Variants in GRIK4 observed in about 807,000 individuals in gnomAD.
GRIK4 encodes glutamate receptor ionotropic, kainate 4.
Under a neutral mutation model 104.9 loss-of-function variants are expected in GRIK4, and 40 were observed. The ratio of observed to expected loss-of-function variants is 0.38; its 90% CI spans 0.30 to 0.50. The LOEUF (loss-of-function observed/expected upper bound fraction) is 0.50. GRIK4 is among the 20% of genes least tolerant of loss of function. The pLI is 0.93. For missense variants in GRIK4, 1,047 were observed against 1,308.1 expected (o/e 0.80, Z 3.08); for synonymous variants, 485 against 524.9 (o/e 0.92, Z 1.04).
At chr11:120,850,515 A>T (rs916889283) in intron 8 of GRIK4, among the ~76,000 whole-genome samples, 7 of 152,228 alleles carry the variant, frequency 4.6e-5, no homozygotes, top group Non-Finnish European at 8.8e-5. Flanking sequence ...TCCCTTGATC[A>T]TGCAAATGAT....
intron 6 of GRIK4, among the ~76,000 whole-genome samples, chr11:120,821,435 A>C (rs1953124558): frequency 6.6e-6 from 1 of 152,222 alleles, no homozygotes; most frequent in South Asian, 2.1e-4. Context: ...TGCTGGATAA[A>C]GATGGAAAGA....
intron 3 of GRIK4, among the ~76,000 whole-genome samples, chr11:120,795,906 C>T (rs1023552677): frequency 1.3e-5 from 2 of 151,998 alleles, no homozygotes; most frequent in African/African-American, 4.8e-5. Context: ...CTCCCATATG[C>T]TTTAAATCAT....
At chr11:120,711,881 G>A (rs1023756524) in intron 3 of GRIK4, among the ~76,000 whole-genome samples, 11 of 152,212 alleles carry the variant, frequency 7.2e-5, no homozygotes, top group Non-Finnish European at 1.5e-5. Context: ...GGGATGAAAA[G>A]CTTGGAAGTC....
chr11:120,587,703 G>A lies in GRIK4; in HGVS notation c.-158-65982G>A, dbSNP rs902632182. Among the ~76,000 whole-genome samples, 21 of 152,240 alleles carry A rather than the reference G, an allele frequency of 1.4e-4. No individual in the cohort carries two copies. In the East Asian group the frequency reaches 2.7e-3, roughly 20 times the overall value. On this transcript the variant is annotated intron_variant, in intron 1 of 20. Coordinates refer to ENST00000527524, the MANE Select transcript of GRIK4 (RefSeq NM_014619.5). ...CTAGACCGTTTGCAAGGCCAGCCTC[G>A]CCATGGCTCAGCCAGTGGTCAGCTA...
At chr11:120,661,327 C>A (rs1468152030) in intron 3 of GRIK4, among the ~76,000 whole-genome samples, 1 of 152,168 alleles carries the variant, frequency 6.6e-6, no homozygotes, top group Non-Finnish European at 1.5e-5. Context: ...CACAAGACGA[C>A]CCATCCAACA....
chr11:120,749,289 A>G (rs1951502034), intron 3 of GRIK4, among the ~76,000 whole-genome samples: 2 of 152,116 alleles, frequency 1.3e-5, no homozygotes, highest in South Asian at 4.2e-4. Context: ...TGATCTCTGG[A>G]CACTGGTAGC....
At chr11:120,613,195 TA>T (rs1949059929) in intron 1 of GRIK4, among the ~76,000 whole-genome samples, 4 of 152,304 alleles carry the variant, frequency 2.6e-5, no homozygotes, top group Admixed American at 1.3e-4. Flanking sequence ...AGCTGCTGCT[TA>T]GCTGATTGGC....
chr11:120,982,324 G>A (rs1944666330), intron 20 of GRIK4, 100 bp downstream of exon 20: 2 of 730,876 alleles, frequency 2.7e-6, no homozygotes. Context: ...ACCACAGGAA[G>A]TGCAGCAAAG....
intron 19 of GRIK4, among the ~76,000 whole-genome samples, chr11:120,970,292 C>T (rs1263712380): frequency 6.6e-6 from 1 of 152,160 alleles, no homozygotes; most frequent in Non-Finnish European, 1.5e-5. Context: ...TGGAGCCACA[C>T]AGGAGTGGCC....
chr11:120,537,646 G>A (rs1028419168), intron 1 of GRIK4, among the ~76,000 whole-genome samples: 4 of 152,156 alleles, frequency 2.6e-5, no homozygotes, highest in African/African-American at 9.7e-5. Context: ...CTCTGCACCC[G>A]CCTATGTAGC....
chr11:120,619,792 T>A (rs1210412733), intron 1 of GRIK4: 2 of 158,314 alleles, frequency 1.3e-5, no homozygotes, highest in African/African-American at 4.8e-5. Context: ...TAGAAGCAGA[T>A]GCTACTGTGC....
rs574955981 is a variant in GRIK4, at chr11:120,532,295, C to T, written c.-159+20408C>T. 1.3e-3 allele frequency among the ~76,000 whole-genome samples: 197 copies of T among 152,290 alleles called. 1 individual carries two copies. Among genetic ancestry groups the T allele is most frequent in the African/African-American group, 4.6e-3 (190 of 41,552 alleles). The stretch of plus-strand genomic sequence containing the variant: ...CTCTGCAGCCCTGTGGGCCCTACCC[C>T]GCCCCCAGCTTCCTTTGATCCGGCT... On this transcript the variant is annotated intron_variant, in intron 1 of 20. Coordinates refer to ENST00000527524, the MANE Select transcript of GRIK4 (RefSeq NM_014619.5).
chr11:120,541,060 A>C (rs1457244193), intron 1 of GRIK4, among the ~76,000 whole-genome samples: 1 of 152,154 alleles, frequency 6.6e-6, no homozygotes, highest in Non-Finnish European at 1.5e-5. Flanking sequence ...TTTACCACAT[A>C]CTGCCCTGCA....
chr11:120,975,211 TG>T (rs35730653), intron 19 of GRIK4, among the ~76,000 whole-genome samples: 3 of 152,112 alleles, frequency 2.0e-5, no homozygotes, highest in African/African-American at 7.2e-5. Context: ...ACGGTGGGAA[TG>T]GAAGTGTGAG....
intron 3 of GRIK4, among the ~76,000 whole-genome samples, chr11:120,764,943 C>T (rs111551395): frequency 2.0e-5 from 3 of 152,058 alleles, no homozygotes; most frequent in Admixed American, 1.3e-4. Flanking sequence ...CTTGGGGTTG[C>T]TCTTCTCTAG....
At chr11:120,876,902 A>C (rs1469197938) in intron 11 of GRIK4, among the ~76,000 whole-genome samples, 1 of 152,226 alleles carries the variant, frequency 6.6e-6, no homozygotes, top group Non-Finnish European at 1.5e-5. Flanking sequence ...ATGAAGCCCT[A>C]CGGCCGTGGA....
chr11:120,745,874 A>C (rs1293526091), intron 3 of GRIK4, among the ~76,000 whole-genome samples: 1 of 152,166 alleles, frequency 6.6e-6, no homozygotes, highest in Non-Finnish European at 1.5e-5. Flanking sequence ...GAGGGTAGTG[A>C]TGAGCCCCTT....
chr11:120,955,921 A>G (rs1234811506), intron 15 of GRIK4, among the ~76,000 whole-genome samples: 2 of 151,674 alleles, frequency 1.3e-5, no homozygotes, highest in Non-Finnish European at 2.9e-5. Context: ...GCCCGGTGGC[A>G]CCAGCATCAT....
intron 1 of GRIK4, among the ~76,000 whole-genome samples, chr11:120,558,869 A>G (rs113924571): frequency 6.6e-6 from 1 of 151,542 alleles, no homozygotes; most frequent in Admixed American, 6.6e-5. Flanking sequence ...CTTGTGTCTT[A>G]CTCTTTTTTT....
Sources: gnomAD v4.1 joint callset for allele counts (sites outside exome capture counted in the v4.1 genomes callset) on GRCh38, gnomAD v4.1.1 for gene constraint, MANE v1.5 for transcripts, NCBI Gene and HGNC (gene_info 2026-07-23, HGNC 2026-07-21) for gene names.